Variants in RAPGEF1 observed in about 807,000 individuals in gnomAD.
The protein encoded by RAPGEF1 is Rap guanine nucleotide exchange factor 1.
A neutral mutation model predicts 143.3 loss-of-function variants in RAPGEF1; 33 were observed. The ratio of observed to expected loss-of-function variants is 0.23; its 90% CI spans 0.17 to 0.31. The LOEUF (loss-of-function observed/expected upper bound fraction) is 0.31, where lower values mean the gene tolerates loss of function less well. RAPGEF1 is among the 10% of genes least tolerant of loss of function. The probability of loss-of-function intolerance (pLI) is 1.00; values close to 1 mark genes in which losing one functional copy is unlikely to be tolerated. For missense variants in RAPGEF1, 1,199 were observed against 1,645.4 expected, an observed-to-expected ratio of 0.73 and a Z score of 4.69; for synonymous variants, 629 against 676.5, an observed-to-expected ratio of 0.93 and a Z score of 1.09.
chr9:131,738,596 CG>C (rs1367257176), intron 1 of RAPGEF1, among the ~76,000 whole-genome samples: 1 of 152,142 alleles, frequency 6.6e-6, no homozygotes, highest in African/African-American at 2.4e-5. Context: ...TCTGGACAGC[CG>C]GAACTCACTG....
intron 1 of RAPGEF1, among the ~76,000 whole-genome samples, chr9:131,665,317 G>A (rs983679987): frequency 6.6e-5 from 10 of 152,100 alleles, no homozygotes; most frequent in African/African-American, 2.4e-4. Flanking sequence ...TAAAATCCTT[G>A]ATTCTTCTCT....
chr9:131,666,627 TG>T (rs1407280722), intron 1 of RAPGEF1, among the ~76,000 whole-genome samples: 1 of 152,138 alleles, frequency 6.6e-6, no homozygotes, highest in African/African-American at 2.4e-5. Flanking sequence ...TCAAGTTATC[TG>T]CCCACCTCAG....
chr9:131,691,223 T>C (rs889768245), intron 1 of RAPGEF1, among the ~76,000 whole-genome samples: 1 of 152,240 alleles, frequency 6.6e-6, no homozygotes, highest in African/African-American at 2.4e-5. Context: ...CTATTTTAAT[T>C]GTTTTAAACC....
chr9:131,613,006 G>A lies in RAPGEF1; in HGVS notation c.2061+6045C>T, dbSNP rs756803182. On this transcript the variant is annotated intron_variant, in intron 12 of 26. Transcript: ENST00000683357. ...CACAGCCCATCCCCTCTCCTCAGGG[G>A]ACATGCAATCCTGAGAAGACGAACC... Among the ~76,000 whole-genome samples the A allele has an allele frequency of 2.6e-5, 4 of 152,296 alleles. No homozygotes were observed. The East Asian group carries it at 5.8e-4, about 22-fold the overall frequency.
At chr9:131,586,609 AACACAC>A (rs756135700) in intron 22 of RAPGEF1, among the ~76,000 whole-genome samples, 1 of 41,078 alleles carries the variant, frequency 2.4e-5, no homozygotes, top group Non-Finnish European at 4.3e-5. Flanking sequence ...CTCCGTCTCA[AACACAC>A]ACACACACAC....
chr9:131,583,988 C>T lies in RAPGEF1; in HGVS notation c.3414+323G>A, dbSNP rs557085163. 3.9e-5 allele frequency among the ~76,000 whole-genome samples: 6 copies of T among 152,344 alleles called. No individual in the cohort carries two copies. The highest frequency in any genetic ancestry group is 2.1e-4 in the South Asian group (1 of 4,832). On this transcript the variant is annotated intron_variant, in intron 24 of 26. Transcript: ENST00000683357. This position sits in a 1 kb window ranked among gnomAD's most constrained non-coding sequence, Gnocchi z 4.7. ...CCAGCACCTACCGCAGTGCCCGGCCCGAAGCAGACCCTTCAGAAGAACGGG... is the reference window on the plus strand; with the variant it reads ...CCAGCACCTACCGCAGTGCCCGGCCTGAAGCAGACCCTTCAGAAGAACGGG...
rs540780325 is a variant in RAPGEF1 at position 131,673,728 on chromosome 9, G to T, written c.62-22779C>A. Among the ~76,000 whole-genome samples the T allele has an allele frequency of 4.6e-5, 7 of 152,258 alleles. No individual in the cohort carries two copies. The Middle Eastern group carries it at 0.014, about 296-fold the overall frequency. On this transcript the variant is annotated intron_variant, in intron 1 of 26. Coordinates refer to ENST00000683357, the MANE Select transcript of RAPGEF1 (RefSeq NM_001377935.1). ...CCCACCCAACAGAGAGGAAAGGAGG[G>T]GCCAGGAGAAAGTCCAATGGTGCTG...
intron 10 of RAPGEF1, among the ~76,000 whole-genome samples, chr9:131,622,918 C>A (rs375409806): frequency 1.3e-5 from 2 of 152,090 alleles, no homozygotes; most frequent in Admixed American, 6.6e-5. Context: ...TAGGCATGCA[C>A]CACCGTGTCC....
chr9:131,739,455 T>C (rs942659435), intron 1 of RAPGEF1, among the ~76,000 whole-genome samples: 1 of 151,848 alleles, frequency 6.6e-6, no homozygotes, highest in African/African-American at 2.4e-5. Context: ...GGGCTGTTCT[T>C]CCCCTGCTTG....
At chr9:131,588,134 C>G in intron 20 of RAPGEF1, 108 bp from the exon 21 acceptor site, 3 of 970,566 alleles carry the variant, frequency 3.1e-6, no homozygotes, top group Non-Finnish European at 4.7e-6. Context: ...CTCTGCCCAG[C>G]AGGAGCGTGG....
At chr9:131,737,844 A>G (rs2131371506) in intron 1 of RAPGEF1, among the ~76,000 whole-genome samples, 1 of 149,034 alleles carries the variant, frequency 6.7e-6, no homozygotes, top group South Asian at 2.2e-4. Context: ...AGGCGCCTGC[A>G]GTCCCAGCTA....
At chr9:131,734,507 G>C (rs1427354419) in intron 1 of RAPGEF1, among the ~76,000 whole-genome samples, 1 of 152,196 alleles carries the variant, frequency 6.6e-6, no homozygotes, top group Admixed American at 6.5e-5. Flanking sequence ...TGCCAACAAG[G>C]AGGCACTCAG....
intron 17 of RAPGEF1, among the ~76,000 whole-genome samples, 158 bp downstream of exon 17, chr9:131,596,140 C>T (rs1209986437): frequency 6.6e-6 from 1 of 152,154 alleles, no homozygotes; most frequent in African/African-American, 2.4e-5. Flanking sequence ...ACTTGTCTTC[C>T]AAGGTGGGCT....
In RAPGEF1 at chr9:131,587,714, C is replaced by T. The variant is rs183475558; in HGVS notation, c.3233+22G>A. 3.5e-5 allele frequency: 57 copies of T among 1,607,670 alleles called. No individual in the cohort carries two copies. The Middle Eastern group carries it at 7.1e-4, about 20-fold the overall frequency. On this transcript the variant is annotated intron_variant, in intron 22 of 26. Coordinates refer to ENST00000683357, the MANE Select transcript of RAPGEF1 (RefSeq NM_001377935.1). ...CGTGCCACCATCCAGAGCAACAGGG[C>T]TTGGCGCTGGGCCTCTCTTACCAGT... is the stretch of plus-strand genomic sequence containing the variant.
intron 15 of RAPGEF1, among the ~76,000 whole-genome samples, chr9:131,598,886 G>A (rs542489431): frequency 1.1e-4 from 16 of 150,162 alleles, no homozygotes; most frequent in Admixed American, 6.0e-4. Context: ...GTGCAGTGGC[G>A]CAATCTTGGC....
chr9:131,664,321 C>T (rs894561187), intron 1 of RAPGEF1, among the ~76,000 whole-genome samples: 8 of 152,238 alleles, frequency 5.3e-5, no homozygotes, highest in African/African-American at 1.2e-4. Flanking sequence ...AAACCAAGAT[C>T]GGGGCATTAG....
At chr9:131,704,679 C>T (rs934159770) in intron 1 of RAPGEF1, among the ~76,000 whole-genome samples, 2 of 152,040 alleles carry the variant, frequency 1.3e-5, no homozygotes, top group African/African-American at 2.4e-5. Context: ...TCTGTCAGTG[C>T]TGTACTCCCG....
At position 131,621,168 on chromosome 9, in the gene RAPGEF1, C is replaced by T. The variant is rs1481092070; in HGVS notation, c.1905+628G>A. Among the ~76,000 whole-genome samples, 3 of 152,270 alleles carry T rather than the reference C, an allele frequency of 2.0e-5. No homozygotes were observed. Among genetic ancestry groups the T allele is most frequent in the Non-Finnish European group, 2.9e-5 (2 of 68,046 alleles). ...GTTCCAGAGCCTCATGGGGTGCCCA[C>T]GGTGGAACAGCTTGCCTTCTGTGCT... On this transcript the variant is annotated intron_variant, in intron 11 of 26. Transcript: ENST00000683357. The surrounding 1 kb of genome is among the most constrained non-coding windows in gnomAD (Gnocchi z 4.5).
chr9:131,586,339 A>C (rs1162080841), intron 22 of RAPGEF1, among the ~76,000 whole-genome samples: 14 of 69,722 alleles, frequency 2.0e-4, no homozygotes, highest in South Asian at 4.7e-4. Context: ...CCTGCAGAGC[A>C]AGACTCCGTC....
Sources: gnomAD v4.1 joint callset for allele counts (sites outside exome capture counted in the v4.1 genomes callset) on GRCh38, gnomAD v4.1.1 for gene constraint, Gnocchi (gnomAD v3.1) non-coding constraint, MANE v1.5 for transcripts, NCBI Gene and HGNC (gene_info 2026-07-23, HGNC 2026-07-21) for gene names.